The following SH3BP2 variants were observed in gnomAD, a reference collection of about 807,000 sequenced individuals.
SH3BP2 encodes SH3 domain binding protein 2.
A neutral mutation model predicts 56.2 loss-of-function variants in SH3BP2; 38 were observed. The observed-to-expected ratio is 0.68, with a 90% CI of 0.52 to 0.89. The LOEUF is 0.89. Ranked by LOEUF, SH3BP2 falls within the 40% of genes least tolerant of loss-of-function variation. The probability of loss-of-function intolerance (pLI) is 0.00; values close to 1 mark genes in which losing one functional copy is unlikely to be tolerated. For missense variants in SH3BP2, 748 were observed against 762.6 expected (o/e 0.98, Z 0.23); for synonymous variants, 346 against 316.7 (o/e 1.09, Z -0.98).
rs201786792 is a variant in SH3BP2, at chr4:2,827,307, C to A, written c.506C>A (p.Thr169Lys). 1 of 1,613,932 alleles carries A rather than the reference C, an allele frequency of 6.2e-7. No individual in the cohort carries two copies. Among genetic ancestry groups the A allele is most frequent in the Non-Finnish European group, 8.5e-7 (1 of 1,179,886 alleles). Residue 169 changes from threonine to lysine, a missense_variant, in exon 6 of 13, where the codon ACG becomes AAG. By Grantham distance (78) the Thr-to-Lys change is moderately conservative (BLOSUM62 -1). Coordinates refer to ENST00000503393, the MANE Select transcript of SH3BP2 (RefSeq NM_001122681.2). ...GATATCAGCCTTTCCCCGTACCCCA[C>A]GGACAATGAAGGTGAGGTCTTTCTC... Reference protein sequence around the residue: ...PVDISLSPYPTDNEDYEHDDE... With the variant: ...PVDISLSPYPKDNEDYEHDDE...
At chr4:2,800,913 G>A (rs567121901) in intron 1 of SH3BP2, among the ~76,000 whole-genome samples, 2 of 152,310 alleles carry the variant, frequency 1.3e-5, no homozygotes, top group African/African-American at 2.4e-5. Flanking sequence ...GTGGCCTTGA[G>A]CCCTGAGGCT....
chr4:2,823,690 C>T (rs763795023), intron 3 of SH3BP2: 11 of 363,714 alleles, frequency 3.0e-5, no homozygotes, highest in Admixed American at 6.7e-5. Flanking sequence ...GCTATCCCAT[C>T]GGAGCCCTGC....
At chr4:2,824,964 C>T (rs1724517664) in intron 4 of SH3BP2, 162 bp from the exon 5 acceptor site, 1 of 731,614 alleles carries the variant, frequency 1.4e-6, no homozygotes, top group Non-Finnish European at 2.4e-6. Context: ...TGGGAGGTGC[C>T]CCTGTGGGCT....
chr4:2,823,021 C>T lies in SH3BP2; in HGVS notation c.223C>T (p.Leu75=). The change falls in exon 3 of 13, where the codon CTG becomes TTG. Residue 75 remains leucine (L), a synonymous_variant. Coordinates refer to ENST00000503393, the MANE Select transcript of SH3BP2 (RefSeq NM_001122681.2). ...TGCCTCCCCGCAGGGCGCCTTCTCC[C>T]TGAGTGGCTATAACCGGTAAGTGCC... ...TSASPQGAFS[L]SGYNRVMRAA... is the part of the protein sequence containing the mutation. 2 of 1,613,538 alleles carry T rather than the reference C, an allele frequency of 1.2e-6. No individual in the cohort carries two copies. Among genetic ancestry groups the T allele is most frequent in the Non-Finnish European group, 1.7e-6 (2 of 1,179,564 alleles).
At position 2,829,457 on chromosome 4, in the gene SH3BP2, C is replaced by T; in HGVS notation, c.587-36C>T. 6.2e-7 allele frequency: 1 copy of T among 1,610,162 alleles called. No individual in the cohort carries two copies. The highest frequency in any genetic ancestry group is 8.5e-7 in the Non-Finnish European group (1 of 1,177,122). Reference sequence around the variant, plus strand: ...GCAGAGGATAGTGTTGGCCCAGTCTCTGTCAGGGTCCAACCCGGGTCTCTT... The same window carrying T: ...GCAGAGGATAGTGTTGGCCCAGTCTTTGTCAGGGTCCAACCCGGGTCTCTT... On this transcript the variant is annotated intron_variant, in intron 7 of 12. Transcript: ENST00000503393. The surrounding 1 kb of genome is among the most constrained non-coding windows in gnomAD (Gnocchi z 4.9).
intron 2 of SH3BP2, among the ~76,000 whole-genome samples, chr4:2,822,464 G>C (rs1275481715): frequency 6.6e-6 from 1 of 152,144 alleles, no homozygotes; most frequent in Non-Finnish European, 1.5e-5. Context: ...CTGACTCCCG[G>C]GTTCAAGCAA....
intron 8 of SH3BP2, among the ~76,000 whole-genome samples, chr4:2,830,936 C>T (rs1220000381): frequency 2.6e-5 from 4 of 152,246 alleles, no homozygotes; most frequent in Admixed American, 1.3e-4. Flanking sequence ...GTGGAAGTGC[C>T]TCTGAGCAGC....
In SH3BP2 at chr4:2,829,772, C is replaced by G; in HGVS notation, c.866C>G (p.Pro289Arg). The part of the protein sequence containing the change: ...DPPLSTMPTA[P>R]GLRKPPCFRE... The stretch of plus-strand genomic sequence containing the variant: ...CCTCTGAGCACCATGCCCACCGCAC[C>G]CGGCCTCCGGAAACCCCCTTGCTTC... Residue 289 changes from proline (P) to arginine (R), a missense_variant, in exon 8 of 13, where the codon CCC (proline) becomes CGC (arginine). By Grantham distance (103) the Pro-to-Arg change is moderately radical. This residue lies in a region of SH3BP2 where 635 missense variants were observed against 615.0 expected (regional missense o/e 1.03). Transcript: ENST00000503393. The surrounding 1 kb of genome is among the most constrained non-coding windows in gnomAD (Gnocchi z 4.9). The G allele has an allele frequency of 6.2e-7, 1 of 1,613,156 alleles. No individual in the cohort carries two copies. The highest frequency in any genetic ancestry group is 8.5e-7 in the Non-Finnish European group (1 of 1,179,968).
chr4:2,830,260 G>T (rs541561954), intron 8 of SH3BP2, 113 bp downstream of exon 8: 12 of 1,051,688 alleles, frequency 1.1e-5, no homozygotes, highest in Non-Finnish European at 1.5e-5. Context: ...CCACGACGGG[G>T]TACCAGGTGC....
chr4:2,829,641 A>G lies in SH3BP2; in HGVS notation c.735A>G (p.Pro245=). 1 of 1,598,342 alleles carries G rather than the reference A, an allele frequency of 6.3e-7. No individual in the cohort carries two copies. The highest frequency in any genetic ancestry group is 1.1e-5 in the South Asian group (1 of 90,630). The change falls in exon 8 of 13, where the codon CCA becomes CCG. Residue 245 remains proline, a synonymous_variant. Coordinates refer to ENST00000503393, the MANE Select transcript of SH3BP2 (RefSeq NM_001122681.2). The surrounding 1 kb of genome is among the most constrained non-coding windows in gnomAD (Gnocchi z 4.9). ...CCCCGCCCCCTAAGCACGGCCTCCC[A>G]GATGTTGGCCTGGCTGCTGAGGACT... ...LPPPPPKHGL[P]DVGLAAEDSK...
intron 1 of SH3BP2, among the ~76,000 whole-genome samples, chr4:2,801,368 C>G (rs1723274996): frequency 1.3e-5 from 2 of 152,238 alleles, no homozygotes; most frequent in African/African-American, 4.8e-5. Context: ...CTCTGGGGTT[C>G]CCAGGCTGAG....
chr4:2,802,626 A>G (rs998002706), intron 1 of SH3BP2, among the ~76,000 whole-genome samples: 1 of 129,678 alleles, frequency 7.7e-6, no homozygotes, highest in Non-Finnish European at 1.6e-5. Context: ...ATATATGTGT[A>G]TGTATGTGGT....
chr4:2,797,330 C>A (rs1723098544), intron 1 of SH3BP2, among the ~76,000 whole-genome samples: 2 of 152,316 alleles, frequency 1.3e-5, no homozygotes, highest in Middle Eastern at 3.4e-3. Context: ...TACCACCCAC[C>A]CTGGTTTCTG....
chr4:2,806,203 T>TGGTGGGAGCCACTG (rs1441591885), intron 1 of SH3BP2, among the ~76,000 whole-genome samples: 6 of 152,132 alleles, frequency 3.9e-5, no homozygotes, highest in African/African-American at 1.4e-4. Flanking sequence ...CGGCCCTCTC[T>TGGTGGGAGCCACTG]GGTGGGAGCC....
chr4:2,818,974 GC>G, intron 1 of SH3BP2: 2 of 879,642 alleles, frequency 2.3e-6, no homozygotes, highest in Non-Finnish European at 2.7e-6. Flanking sequence ...CAGCTCAGTT[GC>G]CCAGACTGGA....
chr4:2,808,619 G>A (rs920127811), intron 1 of SH3BP2, among the ~76,000 whole-genome samples: 75 of 152,250 alleles, frequency 4.9e-4, no homozygotes, highest in African/African-American at 1.8e-3. Context: ...GGCATAGAGG[G>A]AAGGGGCTTC....
intron 1 of SH3BP2, among the ~76,000 whole-genome samples, chr4:2,801,942 T>C (rs1265464655): frequency 6.6e-6 from 1 of 151,832 alleles, no homozygotes; most frequent in African/African-American, 2.4e-5. Flanking sequence ...ACCCCGGCTC[T>C]ACTAAAAATA....
chr4:2,826,817 CTG>C (rs1724675868), intron 5 of SH3BP2: 2 of 413,482 alleles, frequency 4.8e-6, no homozygotes, highest in African/African-American at 4.1e-5. Flanking sequence ...TGTCCTGTAT[CTG>C]TGTTTATCTG....
chr4:2,817,247 C>T (rs1007937791), intron 1 of SH3BP2, among the ~76,000 whole-genome samples: 1 of 152,198 alleles, frequency 6.6e-6, no homozygotes, highest in African/African-American at 2.4e-5. Context: ...TGATTCTGTG[C>T]TGGGTGGAGG....
Sources: gnomAD v4.1 joint callset for allele counts (sites outside exome capture counted in the v4.1 genomes callset) on GRCh38, gnomAD v4.1.1 for gene constraint, gnomAD v4.1.1 regional missense constraint, Gnocchi (gnomAD v3.1) non-coding constraint, MANE v1.5 for transcripts, NCBI Gene and HGNC (gene_info 2026-07-23, HGNC 2026-07-21) for gene names.